Variants in SLBP observed in about 807,000 individuals in gnomAD.
The protein encoded by SLBP is stem-loop histone mRNA binding protein, also known as histone RNA hairpin-binding protein.
In SLBP, 29 loss-of-function variants were observed where a neutral mutation model predicts 39.2. The ratio of observed to expected loss-of-function variants is 0.74; its 90% CI spans 0.55 to 1.01. The LOEUF (loss-of-function observed/expected upper bound fraction) is 1.01. SLBP is among the 50% of genes least tolerant of loss of function. The pLI is 0.00. For synonymous variants in SLBP, 129 were observed against 118.7 expected (o/e 1.09, Z -0.57); for missense variants, 390 against 350.2 (o/e 1.11, Z -0.91).
At chr4:1,708,667 G>A (rs547859224) in intron 2 of SLBP, among the ~76,000 whole-genome samples, 1 of 152,314 alleles carries the variant, frequency 6.6e-6, no homozygotes, top group South Asian at 2.1e-4. Flanking sequence ...GTATCTTTAA[G>A]TCCATTTCTT....
intron 2 of SLBP, among the ~76,000 whole-genome samples, chr4:1,711,585 G>C (rs798743): frequency 6.6e-6 from 1 of 152,198 alleles, no homozygotes; most frequent in East Asian, 1.9e-4. Flanking sequence ...CGAGAAGCTC[G>C]TCAGAGACCC....
At chr4:1,693,736 G>C (rs764238074) in intron 7 of SLBP, 23 bp from the exon 8 acceptor site, 1 of 1,487,376 alleles carries the variant, frequency 6.7e-7, no homozygotes, top group Non-Finnish European at 9.4e-7. Context: ...AGCATGGCTC[G>C]GTTGACATTC....
chr4:1,694,864 G>A (rs1034187653), intron 6 of SLBP, 24 bp from the exon 7 acceptor site: 3 of 1,566,674 alleles, frequency 1.9e-6, no homozygotes, highest in Middle Eastern at 1.7e-4. Flanking sequence ...TCCAACATGT[G>A]CGTCAGGCAC....
At position 1,693,680 on chromosome 4, in the gene SLBP, G is replaced by A; in HGVS notation, c.730C>T (p.His244Tyr). The A allele has an allele frequency of 6.2e-7, 1 of 1,613,570 alleles. No individual in the cohort carries two copies. Among genetic ancestry groups the A allele is most frequent in the Non-Finnish European group, 8.5e-7 (1 of 1,179,498 alleles). The change falls in exon 8 of 8, where the codon CAC (histidine) becomes TAC (tyrosine). Residue 244 changes from histidine (H) to tyrosine (Y), a missense_variant. Transcript: ENST00000489418. The stretch of plus-strand genomic sequence containing the variant: ...TCATCCTCCACTTGACTGTCCATGT[G>A]TCTCACCTTGGTGGGTGTGCCAGAG... ...VYSGTPTKVR[H>Y]MDSQVEDEFD...
At chr4:1,705,579 C>G (rs1316195151) in intron 2 of SLBP, among the ~76,000 whole-genome samples, 1 of 152,158 alleles carries the variant, frequency 6.6e-6, no homozygotes, top group Non-Finnish European at 1.5e-5. Flanking sequence ...AAAGCAGGTA[C>G]AGCTGACACC....
At chr4:1,701,496 T>C (rs1481887712) in intron 3 of SLBP, among the ~76,000 whole-genome samples, 1 of 152,174 alleles carries the variant, frequency 6.6e-6, no homozygotes, top group East Asian at 1.9e-4. Context: ...TCTGTTAGTC[T>C]CCTTAAAGCA....
At chr4:1,706,129 A>G (rs1716507004) in intron 2 of SLBP, among the ~76,000 whole-genome samples, 1 of 152,180 alleles carries the variant, frequency 6.6e-6, no homozygotes, top group Non-Finnish European at 1.5e-5. Context: ...TAATAAAAAT[A>G]CAAAAATTAG....
At chr4:1,712,017 G>A in intron 1 of SLBP, 27 bp from the exon 2 acceptor site, 1 of 1,271,888 alleles carries the variant, frequency 7.9e-7, no homozygotes, top group Non-Finnish European at 9.9e-7. Context: ...GGTCGGCTGG[G>A]CACGGGAGGT....
intron 3 of SLBP, among the ~76,000 whole-genome samples, chr4:1,702,971 GCA>G (rs912846895): frequency 9.9e-5 from 15 of 152,136 alleles, no homozygotes; most frequent in African/African-American, 3.4e-4. Context: ...GTTAGGCCGG[GCA>G]CAGTGACTCA....
At chr4:1,697,907 C>T (rs531286069) in intron 5 of SLBP, among the ~76,000 whole-genome samples, 190 of 152,248 alleles carry the variant, frequency 1.2e-3, no homozygotes, top group African/African-American at 4.3e-3. Flanking sequence ...GGGAGGACTA[C>T]TTGAGGCCAG....
rs1233717402 is a variant in SLBP at position 1,693,524 on chromosome 4, CAT to C, written c.*71_*72del. 5.8e-6 allele frequency: 5 copies of C among 854,840 alleles called. No homozygotes were observed. Among genetic ancestry groups the C allele is most frequent in the Admixed American group, 1.7e-5 (1 of 57,940 alleles). The allele number at this position is 854,840 out of a possible 1,614,324, so 53.0% of individuals were successfully genotyped here. A position where few individuals can be genotyped will look rare whatever the true frequency, so the allele number is the denominator to read the frequency against. On this transcript the variant is annotated 3_prime_UTR_variant, in exon 8 of 8. Transcript: ENST00000489418. ...AAACCACCAGGTACAAGTGCACACA[CAT>C]GCTTGGTGCCTGGCCAGCCTTCCAC...
At chr4:1,708,911 A>G (rs952831940) in intron 2 of SLBP, among the ~76,000 whole-genome samples, 1 of 152,222 alleles carries the variant, frequency 6.6e-6, no homozygotes, top group African/African-American at 2.4e-5. Context: ...AAACTTCCAT[A>G]ACTTCTAAAG....
intron 2 of SLBP, among the ~76,000 whole-genome samples, chr4:1,707,994 G>T (rs550222625): frequency 6.6e-6 from 1 of 151,504 alleles, no homozygotes; most frequent in East Asian, 1.9e-4. Flanking sequence ...CAGGAGAATT[G>T]CTTGAACCCG....
intron 2 of SLBP, among the ~76,000 whole-genome samples, chr4:1,710,722 G>T (rs1319247590): frequency 1.3e-5 from 2 of 151,850 alleles, no homozygotes; most frequent in Admixed American, 6.6e-5. Context: ...ATTTAATCTT[G>T]TATCTGTAGG....
intron 5 of SLBP, among the ~76,000 whole-genome samples, chr4:1,697,158 TA>T (rs59715153): frequency 0.2 from 6,605 of 32,634 alleles, 227 homozygotes; most frequent in Non-Finnish European, 0.28. Context: ...GACTCCACCT[TA>T]AAAAAAAAAA....
chr4:1,697,535 T>TA (rs1716157713), intron 5 of SLBP, among the ~76,000 whole-genome samples: 1 of 149,384 alleles, frequency 6.7e-6, no homozygotes. Context: ...TTAAAAAAAT[T>TA]AAAAAATTAA....
chr4:1,696,954 T>G (rs1192682063), intron 5 of SLBP, among the ~76,000 whole-genome samples: 1 of 149,560 alleles, frequency 6.7e-6, no homozygotes, highest in South Asian at 2.1e-4. Flanking sequence ...CTCAAGAGCC[T>G]GAGATCAGGC....
intron 2 of SLBP, among the ~76,000 whole-genome samples, chr4:1,710,666 C>CTCAGTA (rs1209852521): frequency 6.6e-6 from 1 of 152,006 alleles, no homozygotes; most frequent in African/African-American, 2.4e-5. Context: ...TCCTAGTGTG[C>CTCAGTA]TCAGTAAGTC....
Position 1,693,801 on chromosome 4 carries a change from T to C in SLBP, c.697-88A>G, listed in dbSNP as rs61417253. The C allele has an allele frequency of 2.4e-4, 187 of 778,486 alleles. 2 individuals are homozygous for C. The East Asian group carries it at 3.9e-3, about 16-fold the overall frequency. The allele number at this position is 778,486 out of a possible 1,614,324, so 48.2% of individuals were successfully genotyped here. ...TACACCCCACTCCTTATGTGGTAAA[T>C]CATGTGATGTAATGCACAGCAAGGT... On this transcript the variant is annotated intron_variant, in intron 7 of 7. Coordinates refer to ENST00000489418, the MANE Select transcript of SLBP (RefSeq NM_006527.4).
Sources: allele counts gnomAD v4.1 joint callset (sites outside exome capture counted in the v4.1 genomes callset), GRCh38; gene constraint gnomAD v4.1.1; transcripts MANE v1.5; gene names NCBI Gene and HGNC (gene_info 2026-07-23, HGNC 2026-07-21).